Variants in CDH18 observed in about 807,000 individuals in gnomAD.
CDH18 encodes cadherin-18.
In CDH18, 31 loss-of-function variants were observed where a neutral mutation model predicts 67.9. That is an observed-to-expected ratio of 0.46 (90% confidence interval 0.34 to 0.62). The LOEUF is 0.62. Ranked by LOEUF, CDH18 falls within the 20% of genes least tolerant of loss-of-function variation. The probability of loss-of-function intolerance (pLI) is 0.01; values close to 1 mark genes in which losing one functional copy is unlikely to be tolerated. For missense variants in CDH18, 890 were observed against 975.5 expected (o/e 0.91, Z 1.17); for synonymous variants, 362 against 347.2 (o/e 1.04, Z -0.48).
At chr5:20,375,445 C>T (rs920099366) in intron 1 of CDH18, among the ~76,000 whole-genome samples, 5 of 152,062 alleles carry the variant, frequency 3.3e-5, no homozygotes, top group African/African-American at 1.2e-4. Flanking sequence ...ACAAGTATCA[C>T]GTAGAAAGTG....
At chr5:19,562,027 T>A (rs1188597377) in intron 8 of CDH18, among the ~76,000 whole-genome samples, 2 of 152,190 alleles carry the variant, frequency 1.3e-5, no homozygotes, top group Non-Finnish European at 2.9e-5. Context: ...TGGATTTGCA[T>A]TAAATGTCCA....
chr5:19,635,027 C>T (rs1752944704), intron 5 of CDH18, among the ~76,000 whole-genome samples: 2 of 151,732 alleles, frequency 1.3e-5, no homozygotes, highest in South Asian at 4.2e-4. Flanking sequence ...AATTTCCTAA[C>T]ATAACCTTAT....
chr5:20,534,366 T>C (rs1264863597), intron 1 of CDH18, among the ~76,000 whole-genome samples: 3 of 152,074 alleles, frequency 2.0e-5, no homozygotes, highest in East Asian at 3.8e-4. Flanking sequence ...TGTCTTGATA[T>C]TGCACAAAAA....
In CDH18 at chr5:20,322,383, CAT is replaced by C. The variant is rs577172781; in HGVS notation, c.-579-66880_-579-66879del. On this transcript the variant is annotated intron_variant, in intron 1 of 14. Coordinates refer to the CDH18 transcript ENST00000507958. ...CCAGAAAATAGACATAAATTGCTCA[CAT>C]GTCATTGTATATAATTTAATTAAAA... Among the ~76,000 whole-genome samples the C allele has an allele frequency of 2.4e-4, 37 of 152,202 alleles. 1 individual carries two copies. The South Asian group carries it at 6.6e-3, about 27-fold the overall frequency.
chr5:19,869,937 T>A (rs1422534049), intron 2 of CDH18, among the ~76,000 whole-genome samples: 1 of 152,170 alleles, frequency 6.6e-6, no homozygotes, highest in Non-Finnish European at 1.5e-5. Flanking sequence ...AGTTATACAA[T>A]TTTTAATGTT....
chr5:20,056,478 G>GTTTTTTTTTT (rs58415003), intron 2 of CDH18, among the ~76,000 whole-genome samples: 5 of 16,292 alleles, frequency 3.1e-4, no homozygotes, highest in Admixed American at 7.9e-4. Flanking sequence ...TCTTTCTTTT[G>GTTTTTTTTTT]TTTTTTTTTT....
At chr5:20,213,934 C>A (rs1189281766) in intron 2 of CDH18, among the ~76,000 whole-genome samples, 1 of 151,920 alleles carries the variant, frequency 6.6e-6, no homozygotes, top group African/African-American at 2.4e-5. Context: ...TCAAACTATC[C>A]TTGTTTGCAG....
chr5:19,569,719 G>A (rs1181268527), intron 8 of CDH18, among the ~76,000 whole-genome samples: 1 of 152,026 alleles, frequency 6.6e-6, no homozygotes, highest in Non-Finnish European at 1.5e-5. Context: ...CCACCTAAAT[G>A]TACATATTGG....
intron 2 of CDH18, among the ~76,000 whole-genome samples, chr5:20,073,669 G>A (rs1057063836): frequency 6.6e-5 from 10 of 151,940 alleles, no homozygotes; most frequent in Non-Finnish European, 1.3e-4. Flanking sequence ...CTGGCATTGT[G>A]TCTCAGTAAA....
At chr5:20,141,738 A>G (rs1299417778) in intron 2 of CDH18, among the ~76,000 whole-genome samples, 1 of 152,118 alleles carries the variant, frequency 6.6e-6, no homozygotes, top group African/African-American at 2.4e-5. Flanking sequence ...GGAAAGAGTT[A>G]TTATAGTAAA....
chr5:19,490,899 A>G (rs1170572609), intron 11 of CDH18, among the ~76,000 whole-genome samples: 1 of 152,102 alleles, frequency 6.6e-6, no homozygotes, highest in Non-Finnish European at 1.5e-5. Flanking sequence ...TGTTTTACAT[A>G]TATATATAAA....
intron 3 of CDH18, among the ~76,000 whole-genome samples, chr5:19,760,212 C>T (rs1020166992): frequency 3.3e-5 from 5 of 152,134 alleles, no homozygotes; most frequent in African/African-American, 2.4e-5. Flanking sequence ...TGAATAACTG[C>T]AGTTCCCACC....
intron 2 of CDH18, among the ~76,000 whole-genome samples, chr5:20,071,482 C>G (rs1580173188): frequency 6.6e-6 from 1 of 152,048 alleles, no homozygotes; most frequent in East Asian, 1.9e-4. Flanking sequence ...AAGAAATGTG[C>G]ACAGGCTACT....
intron 2 of CDH18, among the ~76,000 whole-genome samples, chr5:19,904,752 A>T (rs554814754): frequency 6.6e-6 from 1 of 152,340 alleles, no homozygotes; most frequent in East Asian, 1.9e-4. Context: ...ATACAGAAGT[A>T]TTATAATTTG....
chr5:19,578,734 C>G (rs1742733094), intron 7 of CDH18, among the ~76,000 whole-genome samples: 1 of 151,416 alleles, frequency 6.6e-6, no homozygotes, highest in South Asian at 2.1e-4. Context: ...AATTTGTATC[C>G]CATAATTTCC....
intron 6 of CDH18, among the ~76,000 whole-genome samples, chr5:19,597,298 A>T (rs1261403766): frequency 6.6e-6 from 1 of 152,260 alleles, no homozygotes; most frequent in African/African-American, 2.4e-5. Flanking sequence ...AAAGGCACTC[A>T]TCTAAACCAT....
intron 1 of CDH18, among the ~76,000 whole-genome samples, chr5:20,274,978 C>T (rs969927198): frequency 1.3e-5 from 2 of 152,078 alleles, no homozygotes; most frequent in African/African-American, 4.8e-5. Flanking sequence ...TTACCCTTTC[C>T]ACAAAGACCA....
In CDH18 at chr5:19,472,243, G is replaced by C. The variant is rs910259378; in HGVS notation, c.*983C>G. ...TGTGAGGTACTTATTTTTAATTACT[G>C]CTCGTGTTGAAAATAAGTGAATTAG... is the stretch of plus-strand genomic sequence containing the variant. On this transcript the variant is annotated 3_prime_UTR_variant, in exon 13 of 13. Coordinates refer to ENST00000382275, the MANE Select transcript of CDH18 (RefSeq NM_004934.5). 1.3e-5 allele frequency among the ~76,000 whole-genome samples: 2 copies of C among 151,998 alleles called. No homozygotes were observed. The highest frequency in any genetic ancestry group is 2.9e-5 in the Non-Finnish European group (2 of 68,016).
Position 19,592,852 on chromosome 5 carries a change from C to G in CDH18, c.812-1608G>C, listed in dbSNP as rs545648415. On this transcript the variant is annotated intron_variant, in intron 6 of 12. Transcript: ENST00000382275. ...CACCTTCCCTAGTCCCTGGTAACAA[C>G]CACTCCATTCTTTGATTGTATGAAT... is the stretch of plus-strand genomic sequence containing the variant. 2.0e-5 allele frequency among the ~76,000 whole-genome samples: 3 copies of G among 152,022 alleles called. No individual in the cohort carries two copies. The South Asian group carries it at 6.2e-4, about 32-fold the overall frequency.
Sources: gnomAD v4.1 joint callset for allele counts (sites outside exome capture counted in the v4.1 genomes callset) on GRCh38, gnomAD v4.1.1 for gene constraint, MANE v1.5 for transcripts, NCBI Gene and HGNC (gene_info 2026-07-23, HGNC 2026-07-21) for gene names.